The following GIGYF2 variants were observed in gnomAD, a reference collection of about 807,000 sequenced individuals.
The protein encoded by GIGYF2 is GRB10-interacting GYF protein 2.
GIGYF2 carries 25 observed loss-of-function variants against 208.1 expected under a neutral mutation model. The ratio of observed to expected loss-of-function variants is 0.12; its 90% confidence interval spans 0.09 to 0.17. The LOEUF (loss-of-function observed/expected upper bound fraction) is 0.17, where lower values mean the gene tolerates loss of function less well. GIGYF2 is among the 10% of genes least tolerant of loss of function. The probability of loss-of-function intolerance (pLI) is 1.00; values close to 1 mark genes in which losing one functional copy is unlikely to be tolerated. For missense variants in GIGYF2, 1,302 were observed against 1,579.4 expected, an observed-to-expected ratio of 0.82 and a Z score of 2.98; for synonymous variants, 534 against 543.8, an observed-to-expected ratio of 0.98 and a Z score of 0.25.
intron 8 of GIGYF2, among the ~76,000 whole-genome samples, chr2:232,785,198 G>A (rs978605644): frequency 6.6e-6 from 1 of 151,746 alleles, no homozygotes; most frequent in Non-Finnish European, 1.5e-5. Flanking sequence ...TTCCAGACAC[G>A]TCCTGCAGGT....
intron 3 of GIGYF2, among the ~76,000 whole-genome samples, chr2:232,736,866 G>A (rs1697755138): frequency 6.6e-6 from 1 of 151,920 alleles, no homozygotes; most frequent in Admixed American, 6.6e-5. Flanking sequence ...GTTTTTTTCA[G>A]CATCCTGCTG....
intron 8 of GIGYF2, chr2:232,764,731 A>T (rs1335394762): frequency 6.6e-6 from 1 of 152,236 alleles, no homozygotes; most frequent in Non-Finnish European, 1.5e-5. Flanking sequence ...AATTGTCTGA[A>T]AATGGCTTGG....
At chr2:232,789,951 T>A (rs1270889015) in intron 9 of GIGYF2, among the ~76,000 whole-genome samples, 1 of 151,958 alleles carries the variant, frequency 6.6e-6, no homozygotes, top group Non-Finnish European at 1.5e-5. Context: ...TAGGGAGAAT[T>A]AAGAGATGAG....
chr2:232,768,064 T>C, intron 8 of GIGYF2: 1 of 875,244 alleles, frequency 1.1e-6, no homozygotes, highest in Non-Finnish European at 1.8e-6. Context: ...TATGTAGGCA[T>C]AGGCATGATT....
intron 6 of GIGYF2, among the ~76,000 whole-genome samples, chr2:232,757,114 C>G (rs1461090092): frequency 1.3e-5 from 2 of 152,070 alleles, no homozygotes; most frequent in Non-Finnish European, 2.9e-5. Context: ...ATTGTACCAC[C>G]AAGATTGGCA....
intron 2 of GIGYF2, among the ~76,000 whole-genome samples, chr2:232,732,318 GT>G (rs1395940309): frequency 6.6e-6 from 1 of 152,238 alleles, no homozygotes; most frequent in South Asian, 2.1e-4. Flanking sequence ...TGGCTTGTGT[GT>G]TTTTCCCCCC....
intron 3 of GIGYF2, among the ~76,000 whole-genome samples, chr2:232,742,094 C>T (rs776640392): frequency 6.6e-5 from 10 of 152,088 alleles, no homozygotes; most frequent in African/African-American, 2.4e-4. Flanking sequence ...GCAGAAAGGA[C>T]GTGTGTGAAC....
intron 3 of GIGYF2, among the ~76,000 whole-genome samples, chr2:232,742,907 T>C (rs1698023013): frequency 6.6e-6 from 1 of 152,188 alleles, no homozygotes; most frequent in Non-Finnish European, 1.5e-5. Flanking sequence ...TGATGGGCTT[T>C]ACATGGTTGT....
intron 8 of GIGYF2, chr2:232,776,775 A>AT (rs981409372): frequency 3.2e-6 from 1 of 315,552 alleles, no homozygotes; most frequent in Non-Finnish European, 5.8e-6. Flanking sequence ...GAAGGGGTGC[A>AT]TTTTTTCCCT....
intron 3 of GIGYF2, among the ~76,000 whole-genome samples, chr2:232,740,278 T>G (rs928468575): frequency 6.6e-6 from 1 of 152,116 alleles, no homozygotes; most frequent in Non-Finnish European, 1.5e-5. Flanking sequence ...GACAACATAG[T>G]GAGAACCCGT....
intron 2 of GIGYF2, among the ~76,000 whole-genome samples, chr2:232,714,809 T>TA (rs1349391898): frequency 6.6e-6 from 1 of 152,200 alleles, no homozygotes; most frequent in Non-Finnish European, 1.5e-5. Context: ...TTTCCTATTT[T>TA]AATACTTTTA....
chr2:232,807,489 C>G (rs927880129), intron 15 of GIGYF2, among the ~76,000 whole-genome samples: 1 of 152,168 alleles, frequency 6.6e-6, no homozygotes, highest in Non-Finnish European at 1.5e-5. Context: ...CACCGCTGCA[C>G]TGCAGCTTGG....
rs1700173605 is a variant in GIGYF2 at position 232,794,773 on chromosome 2, C to T, written c.1308C>T (p.Pro436=). 6.2e-7 allele frequency: 1 copy of T among 1,613,722 alleles called. No individual in the cohort carries two copies. Among genetic ancestry groups the T allele is most frequent in the South Asian group, 1.1e-5 (1 of 91,050 alleles). The change falls in exon 13 of 29, where the codon CCC becomes CCT. Residue 436 remains proline (P), a synonymous_variant. Coordinates refer to ENST00000373563, the MANE Select transcript of GIGYF2 (RefSeq NM_001103146.3). ...GDEMVADVQQ[P]LSQIPSDTAS... ...AAATGGTTGCTGATGTCCAGCAGCC[C>T]CTGTCGCAGATTCCTTCAGATACAG...
At chr2:232,841,034 C>A in intron 23 of GIGYF2, among the ~76,000 whole-genome samples, 1 of 150,668 alleles carries the variant, frequency 6.6e-6, no homozygotes, top group Admixed American at 6.6e-5. Context: ...GATGTTTCTT[C>A]ACACTTGAAG....
Position 232,860,460 on chromosome 2 carries a change from T to C in GIGYF2, c.*3600T>C, listed in dbSNP as rs1285840510. The C allele has an allele frequency of 2.0e-5, 3 of 149,798 alleles. No homozygotes were observed. Among genetic ancestry groups the C allele is most frequent in the Non-Finnish European group, 4.4e-5 (3 of 67,582 alleles). The allele number at this position is 149,798 out of a possible 1,614,324, so 9.3% of individuals were successfully genotyped here. On this transcript the variant is annotated 3_prime_UTR_variant, in exon 29 of 29. Coordinates refer to ENST00000373563, the MANE Select transcript of GIGYF2 (RefSeq NM_001103146.3). The stretch of plus-strand genomic sequence containing the variant: ...TCAATATATATATAATATATACATA[T>C]ATGTTATATACGTATATATATTGCA...
chr2:232,831,534 A>G (rs1027805759), intron 21 of GIGYF2, among the ~76,000 whole-genome samples: 2 of 152,238 alleles, frequency 1.3e-5, no homozygotes, highest in African/African-American at 4.8e-5. Context: ...ACAAGAAGTA[A>G]GCGCCATCAT....
intron 2 of GIGYF2, among the ~76,000 whole-genome samples, chr2:232,708,358 C>T (rs1432642925): frequency 1.3e-5 from 2 of 151,792 alleles, no homozygotes; most frequent in Non-Finnish European, 2.9e-5. Context: ...TGTGGTGCAA[C>T]GGGTTGGGAG....
chr2:232,752,879 C>T (rs1298935267), intron 5 of GIGYF2, among the ~76,000 whole-genome samples: 2 of 151,938 alleles, frequency 1.3e-5, no homozygotes, highest in Non-Finnish European at 2.9e-5. Flanking sequence ...ATATACCTAA[C>T]AAAATTCAAA....
chr2:232,823,443 A>G (rs1195868284), intron 21 of GIGYF2, among the ~76,000 whole-genome samples: 1 of 147,112 alleles, frequency 6.8e-6, no homozygotes, highest in Non-Finnish European at 1.5e-5. Flanking sequence ...GCCTCAACCT[A>G]CCATGCTCAG....
Sources: gnomAD v4.1 joint callset for allele counts (sites outside exome capture counted in the v4.1 genomes callset) on GRCh38, gnomAD v4.1.1 for gene constraint, MANE v1.5 for transcripts, NCBI Gene and HGNC (gene_info 2026-07-23, HGNC 2026-07-21) for gene names.